The following CPVL variants were observed in gnomAD, a reference collection of about 807,000 sequenced individuals.
CPVL encodes the protein carboxypeptidase vitellogenic like, also known as probable serine carboxypeptidase CPVL.
CPVL carries 51 observed loss-of-function variants against 63.7 expected under a neutral mutation model. The observed-to-expected ratio is 0.80, with a 90% confidence interval of 0.64 to 1.01. The LOEUF (loss-of-function observed/expected upper bound fraction) is 1.01, where lower values mean the gene tolerates loss of function less well. Ranked by LOEUF, CPVL falls within the 50% of genes least tolerant of loss-of-function variation. The pLI, the probability that CPVL is intolerant of heterozygous loss-of-function variation, is 0.00. For missense variants in CPVL, 530 were observed against 573.1 expected, an observed-to-expected ratio of 0.92 and a Z score of 0.77; for synonymous variants, 195 against 206.0, an observed-to-expected ratio of 0.95 and a Z score of 0.46.
intron 12 of CPVL, among the ~76,000 whole-genome samples, chr7:29,019,147 T>C (rs1401412436): frequency 6.6e-6 from 1 of 152,190 alleles, no homozygotes; most frequent in African/African-American, 2.4e-5. Flanking sequence ...CATTGCTGGC[T>C]GAGCCCCTCT....
At chr7:29,148,858 G>T (rs1226727410), upstream of CPVL, among the ~76,000 whole-genome samples, 1 of 152,134 alleles carries the variant, frequency 6.6e-6, no homozygotes, top group Admixed American at 6.5e-5. Flanking sequence ...AAGTGTGTGT[G>T]TGGGGGAACA....
chr7:29,059,786 G>C (rs1791092323), intron 11 of CPVL, among the ~76,000 whole-genome samples: 2 of 152,100 alleles, frequency 1.3e-5, no homozygotes, highest in South Asian at 4.1e-4. Context: ...GGAGCCTCTA[G>C]TAATTTACCA....
chr7:29,168,269 T>C (rs550071750), intron 5 of CPVL, among the ~76,000 whole-genome samples: 6 of 152,368 alleles, frequency 3.9e-5, no homozygotes, highest in African/African-American at 1.4e-4. Flanking sequence ...CTTTCTCTTA[T>C]TGATTTCTAG....
chr7:28,995,180 TAA>T (rs1272064212), downstream of CPVL: 1 of 127,536 alleles, frequency 7.8e-6, no homozygotes, highest in East Asian at 1.9e-4. Flanking sequence ...AGGCAAAGAT[TAA>T]GTTTGTTCTC....
Position 29,071,909 on chromosome 7 carries a change from G to A in CPVL, c.733-5C>T, listed in dbSNP as rs146943108. 24,623 of 1,612,096 alleles carry A rather than the reference G, an allele frequency of 0.015. 235 individuals are homozygous for A. The highest frequency in any genetic ancestry group is 0.017 in the Non-Finnish European group (20,502 of 1,179,114). Reference sequence around the variant, plus strand: ...TTCTGCATAGCCCCCTATAATCTGAGGACAAAAAAGACACACATCAATGTG... The same window carrying A: ...TTCTGCATAGCCCCCTATAATCTGAAGACAAAAAAGACACACATCAATGTG... On this transcript the variant is annotated splice_polypyrimidine_tract_variant and splice_region_variant and intron_variant, in intron 8 of 12. Coordinates refer to ENST00000265394, the MANE Select transcript of CPVL (RefSeq NM_031311.5).
At chr7:29,052,264 C>T (rs2128174440) in intron 11 of CPVL, among the ~76,000 whole-genome samples, 2 of 151,220 alleles carry the variant, frequency 1.3e-5, no homozygotes, top group Admixed American at 1.3e-4. Context: ...TAACCAAATA[C>T]TAACTGTACC....
At chr7:29,149,769 A>G (rs1402503396), upstream of CPVL, among the ~76,000 whole-genome samples, 1 of 152,038 alleles carries the variant, frequency 6.6e-6, no homozygotes, top group Non-Finnish European at 1.5e-5. Flanking sequence ...TGGCAGCATC[A>G]ACCCAATCTC....
intron 11 of CPVL, among the ~76,000 whole-genome samples, chr7:29,062,130 A>T (rs1240496594): frequency 6.6e-6 from 1 of 152,190 alleles, no homozygotes; most frequent in African/African-American, 2.4e-5. Context: ...ATTTGTGGAT[A>T]ATAAGCACCT....
intron 3 of CPVL, among the ~76,000 whole-genome samples, chr7:29,107,436 C>T (rs994601437): frequency 2.0e-5 from 3 of 152,190 alleles, no homozygotes; most frequent in Non-Finnish European, 4.4e-5. Flanking sequence ...TGGGATGGAG[C>T]CTTAGCAATC....
intron 5 of CPVL, among the ~76,000 whole-genome samples, chr7:29,177,190 A>G (rs2128735836): frequency 6.6e-6 from 1 of 152,246 alleles, no homozygotes; most frequent in South Asian, 2.1e-4. Flanking sequence ...AAAGTAATTT[A>G]TACCTATATA....
chr7:29,063,999 A>T, intron 11 of CPVL, 62 bp downstream of exon 11: 1 of 1,209,208 alleles, frequency 8.3e-7, no homozygotes, highest in South Asian at 1.4e-5. Flanking sequence ...TCAAATTACA[A>T]ATCACTTCTG....
chr7:29,030,286 A>C (rs1787898089), intron 12 of CPVL, among the ~76,000 whole-genome samples: 1 of 152,202 alleles, frequency 6.6e-6, no homozygotes, highest in African/African-American at 2.4e-5. Flanking sequence ...CCCCAAATAG[A>C]CTGCAATTCT....
intron 11 of CPVL, 125 bp downstream of exon 11, chr7:29,063,933 CTGT>C (rs1782892912): frequency 3.2e-6 from 2 of 623,202 alleles, no homozygotes; most frequent in Non-Finnish European, 5.5e-6. Context: ...AAGAAAGGGG[CTGT>C]TATTTATGCT....
intron 12 of CPVL, among the ~76,000 whole-genome samples, chr7:29,019,821 C>G (rs1181261896): frequency 5.9e-5 from 9 of 152,216 alleles, no homozygotes; most frequent in Admixed American, 5.9e-4. Context: ...CAAACCAACG[C>G]TGAGGCACTA....
intron 4 of CPVL, among the ~76,000 whole-genome samples, chr7:29,182,154 C>G (rs1416552520): frequency 6.6e-6 from 1 of 152,126 alleles, no homozygotes; most frequent in Non-Finnish European, 1.5e-5. Flanking sequence ...TTAATGAAAA[C>G]CTGCAAATGC....
At chr7:29,090,211 C>T (rs895840859) in intron 6 of CPVL, among the ~76,000 whole-genome samples, 2 of 151,000 alleles carry the variant, frequency 1.3e-5, no homozygotes, top group African/African-American at 4.8e-5. Context: ...ACAGGCTAAG[C>T]CCCACTTTGG....
rs1786269746 is a variant in CPVL, at chr7:29,095,144, T to C, written c.404-2A>G. The C allele has an allele frequency of 6.2e-7, 1 of 1,613,088 alleles. No individual in the cohort carries two copies. The highest frequency in any genetic ancestry group is 2.2e-5 in the East Asian group (1 of 44,874). Reference sequence around the variant, plus strand: ...TCCAGGGGAAGTCTCTGTCACGCACTGTGAAAACAAAGAAGAGGGGTGAGA... The same window carrying C: ...TCCAGGGGAAGTCTCTGTCACGCACCGTGAAAACAAAGAAGAGGGGTGAGA... On this transcript the variant is annotated splice_acceptor_variant, in intron 4 of 12. Coordinates refer to ENST00000265394, the MANE Select transcript of CPVL (RefSeq NM_031311.5). LOFTEE classifies it high-confidence loss of function.
At chr7:29,003,064 A>G (rs2128127096) in intron 12 of CPVL, among the ~76,000 whole-genome samples, 1 of 152,198 alleles carries the variant, frequency 6.6e-6, no homozygotes, top group South Asian at 2.1e-4. Flanking sequence ...TATGAATCCT[A>G]GATAGAATAA....
chr7:29,195,434 A>G (rs959263700), upstream of CPVL: 3 of 171,896 alleles, frequency 1.7e-5, no homozygotes, highest in African/African-American at 7.1e-5. Flanking sequence ...CTCCTCGCAG[A>G]CTTGATTTTC....
Sources: allele counts gnomAD v4.1 joint callset (sites outside exome capture counted in the v4.1 genomes callset), GRCh38; gene constraint gnomAD v4.1.1; transcripts MANE v1.5; gene names NCBI Gene and HGNC (gene_info 2026-07-23, HGNC 2026-07-21).